Variants in JDP2 observed in about 807,000 individuals in gnomAD.
The protein encoded by JDP2 is progesterone receptor co-activator.
Under a neutral mutation model 17.1 loss-of-function variants are expected in JDP2, and 9 were observed. That is an observed-to-expected ratio of 0.53 (90% confidence interval 0.32 to 0.92). JDP2 has a LOEUF of 0.92. Among genes scored for constraint, JDP2 ranks in the 40% least tolerant of loss-of-function variants. The pLI is 0.04. For synonymous variants in JDP2, 107 were observed against 95.6 expected, an observed-to-expected ratio of 1.12 and a Z score of -0.69; for missense variants, 179 against 220.0, an observed-to-expected ratio of 0.81 and a Z score of 1.18.
chr14:75,435,394 C>T (rs1885018332), intron 1 of JDP2, among the ~76,000 whole-genome samples: 1 of 152,186 alleles, frequency 6.6e-6, no homozygotes, highest in African/African-American at 2.4e-5. Flanking sequence ...AGGGAACTTC[C>T]TAAACCTGGA....
Position 75,469,343 on chromosome 14 carries a change from G to T in JDP2, c.360G>T (p.Glu120Asp). 1 of 1,614,194 alleles carries T rather than the reference G, an allele frequency of 6.2e-7. No individual in the cohort carries two copies. The highest frequency in any genetic ancestry group is 8.5e-7 in the Non-Finnish European group (1 of 1,180,034). Residue 120 changes from glutamate to aspartate, a missense_variant, in exon 4 of 4, where the codon GAG becomes GAT. Glu to Asp is a conservative substitution (Grantham distance 45). Transcript: ENST00000651602. ...MNAELKTQIE[E>D]LKQERQQLIL... ...CAGAGCTGAAGACCCAGATTGAGGA[G>T]CTGAAGCAGGAGCGGCAGCAGCTCA...
At position 75,453,032 on chromosome 14, in the gene JDP2, G is replaced by T. The variant is rs546710228; in HGVS notation, c.202-8394G>T. On this transcript the variant is annotated intron_variant, in intron 2 of 3. Coordinates refer to ENST00000651602, the MANE Select transcript of JDP2 (RefSeq NM_001135048.2). The stretch of plus-strand genomic sequence containing the variant: ...GAGGGCCTGGCCCCTGCAGGCTGCC[G>T]GGGGTCAGCAAGGGAGTTGGCTGAG... Among the ~76,000 whole-genome samples the T allele has an allele frequency of 2.0e-5, 3 of 152,168 alleles. No homozygotes were observed. The South Asian group carries it at 6.2e-4, about 32-fold the overall frequency.
chr14:75,453,176 G>A (rs1483758314), intron 2 of JDP2, among the ~76,000 whole-genome samples: 1 of 151,764 alleles, frequency 6.6e-6, no homozygotes, highest in Non-Finnish European at 1.5e-5. Context: ...GGGGGTGGGG[G>A]AGTGGGGAGG....
At chr14:75,444,673 C>T (rs959613539) in intron 2 of JDP2, among the ~76,000 whole-genome samples, 4 of 152,238 alleles carry the variant, frequency 2.6e-5, no homozygotes, top group Non-Finnish European at 4.4e-5. Flanking sequence ...AGAGCTTCAT[C>T]GCGAAGATTA....
In JDP2 at chr14:75,432,232, C is replaced by T. The variant is rs1403458335; in HGVS notation, c.-24+3980C>T. On this transcript the variant is annotated intron_variant, in intron 1 of 3. Coordinates refer to ENST00000651602, the MANE Select transcript of JDP2 (RefSeq NM_001135048.2). The stretch of plus-strand genomic sequence containing the variant: ...CTGGATCTCCTCGACTTTTGGAAGC[C>T]GCGTGACCTACGTCATTCAGATTCC... The T allele has an allele frequency of 1.6e-5, 21 of 1,294,640 alleles. No homozygotes were observed. The East Asian group carries it at 2.3e-4, about 14-fold the overall frequency. The allele number at this position is 1,294,640 out of a possible 1,614,324, so 80.2% of individuals were successfully genotyped here. A position where few individuals can be genotyped will look rare whatever the true frequency, so the allele number is the denominator to read the frequency against.
intron 2 of JDP2, among the ~76,000 whole-genome samples, chr14:75,441,667 G>A (rs1885360193): frequency 6.6e-6 from 1 of 152,250 alleles, no homozygotes; most frequent in Non-Finnish European, 1.5e-5. Flanking sequence ...GGGACCCTGG[G>A]AACGTCATTT....
chr14:75,461,587 T>C (rs1482631185), intron 3 of JDP2, 57 bp downstream of exon 3: 5 of 1,344,272 alleles, frequency 3.7e-6, no homozygotes, highest in Non-Finnish European at 5.2e-6. Flanking sequence ...GCTTGTGTAC[T>C]CTGGACCAGG....
At chr14:75,438,830 C>A (rs1231755542) in intron 2 of JDP2, among the ~76,000 whole-genome samples, 1 of 152,270 alleles carries the variant, frequency 6.6e-6, no homozygotes. Context: ...GCAGCAGTCC[C>A]CGGCATGGCT....
At chr14:75,463,638 G>A (rs184700310) in intron 3 of JDP2, among the ~76,000 whole-genome samples, 1 of 152,264 alleles carries the variant, frequency 6.6e-6, no homozygotes, top group Admixed American at 6.5e-5. Flanking sequence ...GCCCTAGGGG[G>A]TTATGAGGAA....
chr14:75,427,501 CTG>C (rs1298445437), upstream of JDP2: 3 of 152,520 alleles, frequency 2.0e-5, no homozygotes, highest in Admixed American at 6.5e-5. The surrounding 1 kb of genome is among the most constrained non-coding windows in gnomAD (Gnocchi z 4.4). Flanking sequence ...AAGGATGAAA[CTG>C]TGCGGAAATT....
intron 2 of JDP2, among the ~76,000 whole-genome samples, chr14:75,443,508 C>A (rs146615400): frequency 6.6e-6 from 1 of 152,026 alleles, no homozygotes; most frequent in South Asian, 2.1e-4. Context: ...CTTTGAAATC[C>A]GTAATTTCCA....
Position 75,470,364 on chromosome 14 carries a change from G to C in JDP2, c.*889G>C, listed in dbSNP as rs1019316544. ...ACTGTAGTCTCTGGGTGTCGGGGGT[G>C]GCCAGGGCGGGGGCGGGGTGCATTT... is the stretch of plus-strand genomic sequence containing the variant. On this transcript the variant is annotated 3_prime_UTR_variant, in exon 4 of 4. Coordinates refer to ENST00000651602, the MANE Select transcript of JDP2 (RefSeq NM_001135048.2). 2.0e-5 allele frequency: 3 copies of C among 152,500 alleles called. No homozygotes were observed. The highest frequency in any genetic ancestry group is 4.8e-5 in the African/African-American group (2 of 41,358). 9.4% of individuals were successfully genotyped at this position (152,500 alleles called of 1,614,324 possible).
chr14:75,443,513 T>C (rs1437021111), intron 2 of JDP2, among the ~76,000 whole-genome samples: 1 of 152,154 alleles, frequency 6.6e-6, no homozygotes, highest in Non-Finnish European at 1.5e-5. Flanking sequence ...AAATCCGTAA[T>C]TTCCACTTTA....
intron 2 of JDP2, among the ~76,000 whole-genome samples, chr14:75,448,956 TA>T (rs1885729956): frequency 6.6e-6 from 1 of 152,208 alleles, no homozygotes; most frequent in Non-Finnish European, 1.5e-5. Context: ...TCTCCTTAAA[TA>T]AATCACTCTT....
chr14:75,467,713 T>A (rs1594979132), intron 3 of JDP2, among the ~76,000 whole-genome samples: 1 of 152,088 alleles, frequency 6.6e-6, no homozygotes, highest in Non-Finnish European at 1.5e-5. Context: ...GCTCACAGGC[T>A]TCCATGGATT....
At chr14:75,438,926 C>T (rs993614053) in intron 2 of JDP2, among the ~76,000 whole-genome samples, 2 of 152,226 alleles carry the variant, frequency 1.3e-5, no homozygotes, top group Non-Finnish European at 2.9e-5. Flanking sequence ...TTCCCAGCAG[C>T]GCCGTTTCTT....
At chr14:75,465,406 A>C (rs1886528107) in intron 3 of JDP2, among the ~76,000 whole-genome samples, 1 of 152,174 alleles carries the variant, frequency 6.6e-6, no homozygotes, top group African/African-American at 2.4e-5. Context: ...GTCATAGCTC[A>C]CTGCAGCCTT....
chr14:75,451,581 G>A (rs1174111703), intron 2 of JDP2, among the ~76,000 whole-genome samples: 2 of 152,208 alleles, frequency 1.3e-5, no homozygotes, highest in Non-Finnish European at 2.9e-5. Flanking sequence ...CGTATCGAGT[G>A]AGGAGAGTAG....
At chr14:75,454,791 A>C (rs1466035302) in intron 2 of JDP2, among the ~76,000 whole-genome samples, 2 of 152,092 alleles carry the variant, frequency 1.3e-5, no homozygotes, top group Non-Finnish European at 2.9e-5. Flanking sequence ...AGGGAGAGGA[A>C]GAAGGCCCAT....
Sources: gnomAD v4.1 joint callset for allele counts (sites outside exome capture counted in the v4.1 genomes callset) on GRCh38, gnomAD v4.1.1 for gene constraint, Gnocchi (gnomAD v3.1) non-coding constraint, MANE v1.5 for transcripts, NCBI Gene and HGNC (gene_info 2026-07-23, HGNC 2026-07-21) for gene names.